ATOSA: variants seen among roughly 807,000 people sequenced by gnomAD.
ATOSA encodes atos homolog A, also known as atos homolog protein A.
chr15:52,618,784 A>T, the ATOSA span, among the ~76,000 whole-genome samples: 14 of 151,958 alleles, frequency 9.2e-5, 1 homozygote, highest in Admixed American at 8.5e-4. Context: ...TCCTGGCCTC[A>T]AGCAGTTCTC....
the ATOSA span, among the ~76,000 whole-genome samples, chr15:52,691,383 C>T: frequency 3.3e-5 from 5 of 152,150 alleles, no homozygotes; most frequent in Non-Finnish European, 7.4e-5. Context: ...TCTCTGGGAA[C>T]ACAAACAACA....
At chr15:52,696,504 G>A in the ATOSA span, among the ~76,000 whole-genome samples, 2 of 152,090 alleles carry the variant, frequency 1.3e-5, no homozygotes, top group African/African-American at 4.8e-5. Context: ...TATACGCATA[G>A]AATTCACTGG....
chr15:52,702,145 G>A, the ATOSA span, among the ~76,000 whole-genome samples: 1 of 152,104 alleles, frequency 6.6e-6, no homozygotes, highest in Admixed American at 6.6e-5. Context: ...CAGAGAAAAA[G>A]GAACACTTAC....
the ATOSA span, among the ~76,000 whole-genome samples, chr15:52,642,577 G>C: frequency 1.3e-5 from 2 of 152,098 alleles, no homozygotes; most frequent in African/African-American, 2.4e-5. Context: ...TAATCATGAG[G>C]GTGTTGGCCA....
At chr15:52,638,941 T>C in the ATOSA span, among the ~76,000 whole-genome samples, 2 of 152,060 alleles carry the variant, frequency 1.3e-5, no homozygotes, top group African/African-American at 4.8e-5. Flanking sequence ...TATTCACTTA[T>C]TCTAAAATCA....
the ATOSA span, among the ~76,000 whole-genome samples, chr15:52,686,266 CA>C: frequency 2.0e-5 from 3 of 152,094 alleles, no homozygotes; most frequent in African/African-American, 7.2e-5. Flanking sequence ...ATGAGAATTC[CA>C]CAATAATACT....
the ATOSA span, among the ~76,000 whole-genome samples, chr15:52,608,112 A>T: frequency 5.3e-5 from 8 of 151,668 alleles, no homozygotes; most frequent in Admixed American, 2.6e-4. Flanking sequence ...CTAGTCTCCA[A>T]CTCCTGAGCT....
At chr15:52,623,948 GCTTCT>G in the ATOSA span, among the ~76,000 whole-genome samples, 2 of 152,158 alleles carry the variant, frequency 1.3e-5, no homozygotes, top group Admixed American at 1.3e-4. Context: ...AGTTTTAACT[GCTTCT>G]CTTCTAAGTC....
At chr15:52,681,487 C>G in the ATOSA span, among the ~76,000 whole-genome samples, 21 of 152,250 alleles carry the variant, frequency 1.4e-4, no homozygotes, top group African/African-American at 4.8e-4. Context: ...TTATCGCTTT[C>G]TTTTATCCTA....
At chr15:52,666,250 A>G in the ATOSA span, among the ~76,000 whole-genome samples, 14 of 152,206 alleles carry the variant, frequency 9.2e-5, no homozygotes, top group Admixed American at 9.2e-4. Context: ...AATATATCTG[A>G]GGCCATGATT....
At chr15:52,648,911 A>T in the ATOSA span, 1 of 152,138 alleles carries the variant, frequency 6.6e-6, no homozygotes, top group African/African-American at 2.4e-5. Context: ...TCAGTGAGTA[A>T]AACTGAGGAA....
At chr15:52,705,054 CAT>C in the ATOSA span, among the ~76,000 whole-genome samples, 1 of 152,154 alleles carries the variant, frequency 6.6e-6, no homozygotes, top group Non-Finnish European at 1.5e-5. Context: ...CACATGCACA[CAT>C]ATGTTTATTG....
chr15:52,605,514 C>T, the ATOSA span, among the ~76,000 whole-genome samples: 1 of 152,070 alleles, frequency 6.6e-6, no homozygotes, highest in African/African-American at 2.4e-5. Flanking sequence ...AAATCTGAAA[C>T]ATTCCGATGA....
the ATOSA span, among the ~76,000 whole-genome samples, chr15:52,703,565 A>T: frequency 6.6e-6 from 1 of 152,170 alleles, no homozygotes; most frequent in Non-Finnish European, 1.5e-5. Context: ...ATCAACCAGC[A>T]ATTTTACTCC....
At chr15:52,705,850 A>G in the ATOSA span, among the ~76,000 whole-genome samples, 3 of 152,180 alleles carry the variant, frequency 2.0e-5, no homozygotes, top group African/African-American at 7.2e-5. Context: ...TGAGTAAAAT[A>G]TAATTGTTAT....
the ATOSA span, among the ~76,000 whole-genome samples, chr15:52,646,886 C>T: frequency 6.6e-6 from 1 of 151,820 alleles, no homozygotes; most frequent in South Asian, 2.1e-4. Context: ...AGCACATTCT[C>T]AAAAGGGTCA....
chr15:52,657,305 C>G, the ATOSA span: 1 of 152,138 alleles, frequency 6.6e-6, no homozygotes, highest in Non-Finnish European at 1.5e-5. Context: ...TAGAGTGACA[C>G]AGTTGTATGT....
At chr15:52,616,846 T>C in the ATOSA span, among the ~76,000 whole-genome samples, 8 of 152,292 alleles carry the variant, frequency 5.3e-5, no homozygotes, top group African/African-American at 1.2e-4. Context: ...TTTGTAGACA[T>C]AGAAAGCCAG....
the ATOSA span, among the ~76,000 whole-genome samples, chr15:52,601,802 G>A: frequency 6.6e-6 from 1 of 151,718 alleles, no homozygotes; most frequent in Non-Finnish European, 1.5e-5. Context: ...AGACAGTTTT[G>A]TTTCTAGAAT....
Sources: gnomAD v4.1 joint callset for allele counts (sites outside exome capture counted in the v4.1 genomes callset) on GRCh38, gnomAD v4.1.1 for gene constraint, MANE v1.5 for transcripts, NCBI Gene and HGNC (gene_info 2026-07-23, HGNC 2026-07-21) for gene names.